Variants in DYNC1LI2 observed in about 807,000 individuals in gnomAD.
The protein encoded by DYNC1LI2 is dynein cytoplasmic 1 light intermediate chain 2.
DYNC1LI2 carries 19 observed loss-of-function variants against 57.8 expected under a neutral mutation model. The observed-to-expected ratio is 0.33, with a 90% CI of 0.23 to 0.48. DYNC1LI2 has a LOEUF of 0.48. Among genes scored for constraint, DYNC1LI2 ranks in the 20% least tolerant of loss-of-function variants. DYNC1LI2 has a pLI of 0.99. For missense variants in DYNC1LI2, 470 were observed against 604.2 expected (o/e 0.78, Z 2.33); for synonymous variants, 256 against 233.4 (o/e 1.10, Z -0.88).
intron 9 of DYNC1LI2, 44 bp downstream of exon 9, chr16:66,728,996 C>A (rs2017585607): frequency 6.2e-7 from 1 of 1,606,276 alleles, no homozygotes; most frequent in Non-Finnish European, 8.5e-7. Flanking sequence ...ACTGGCATTT[C>A]ATGCATGAGA....
At chr16:66,746,128 T>C (rs1209782574) in intron 3 of DYNC1LI2, among the ~76,000 whole-genome samples, 1 of 152,208 alleles carries the variant, frequency 6.6e-6, no homozygotes, top group Non-Finnish European at 1.5e-5. Context: ...GTTCTGTGAA[T>C]GTCCTCAAAA....
At position 66,721,864 on chromosome 16, in the gene DYNC1LI2, C is replaced by T. The variant is rs997808209; in HGVS notation, c.*1858G>A. Reference sequence around the variant, plus strand: ...CCAGGAATTCTTGTTTCTGAGGTCACTCATTTTACTCCCGGGGACTAAGCG... The same window carrying T: ...CCAGGAATTCTTGTTTCTGAGGTCATTCATTTTACTCCCGGGGACTAAGCG... On this transcript the variant is annotated 3_prime_UTR_variant, in exon 13 of 13. Coordinates refer to ENST00000258198, the MANE Select transcript of DYNC1LI2 (RefSeq NM_006141.3). 2 of 152,420 alleles carry T rather than the reference C, an allele frequency of 1.3e-5. No homozygotes were observed. The highest frequency in any genetic ancestry group is 1.3e-4 in the Admixed American group (2 of 15,278). 9.4% of individuals were successfully genotyped at this position (152,420 alleles called of 1,614,324 possible).
chr16:66,728,068 G>A (rs1212213200), intron 10 of DYNC1LI2, 133 bp downstream of exon 10: 1 of 1,251,812 alleles, frequency 8.0e-7, no homozygotes, highest in Non-Finnish European at 1.1e-6. Context: ...CTGGTCATGG[G>A]TCTTTAGGGA....
chr16:66,727,022 A>G (rs1237418217), intron 11 of DYNC1LI2, among the ~76,000 whole-genome samples: 2 of 151,924 alleles, frequency 1.3e-5, no homozygotes, highest in African/African-American at 4.8e-5. Flanking sequence ...GGCCCAAGCA[A>G]TCCTGCCGCT....
Position 66,749,321 on chromosome 16 carries a change from G to T in DYNC1LI2, c.182-8C>A, listed in dbSNP as rs752823566. 1.9e-6 allele frequency: 3 copies of T among 1,613,602 alleles called. No individual in the cohort carries two copies. Among genetic ancestry groups the T allele is most frequent in the Non-Finnish European group, 2.5e-6 (3 of 1,179,652 alleles). ...TACCAGAACCATCTTCACCTACAAA[G>T]GATGTTTGCAAGACAAAGGTGTACT... On this transcript the variant is annotated splice_polypyrimidine_tract_variant and splice_region_variant and intron_variant, in intron 2 of 12. Coordinates refer to ENST00000258198, the MANE Select transcript of DYNC1LI2 (RefSeq NM_006141.3).
At chr16:66,730,255 T>C in intron 7 of DYNC1LI2, 32 bp from the exon 8 acceptor site, 2 of 1,593,818 alleles carry the variant, frequency 1.3e-6, no homozygotes, top group Non-Finnish European at 1.7e-6. Flanking sequence ...CTGAATTGCT[T>C]TTCCTGGGGC....
chr16:66,728,944 T>C (rs12599882), intron 9 of DYNC1LI2, 96 bp downstream of exon 9: 582,527 of 1,282,440 alleles, frequency 0.45, 136,865 homozygotes, highest in African/African-American at 0.64. Context: ...GCAAGCTCTT[T>C]GTGACTTCCC....
At chr16:66,741,484 A>C (rs1030396495) in intron 4 of DYNC1LI2, among the ~76,000 whole-genome samples, 1 of 152,222 alleles carries the variant, frequency 6.6e-6, no homozygotes, top group Non-Finnish European at 1.5e-5. Flanking sequence ...CAGAAGCAAG[A>C]TGAAGTACTG....
chr16:66,728,297 G>A (rs2017572417), intron 9 of DYNC1LI2, 55 bp from the exon 10 acceptor site: 4 of 1,605,620 alleles, frequency 2.5e-6, no homozygotes, highest in Non-Finnish European at 3.4e-6. Context: ...GAGCACTGAA[G>A]GTCTAGAGAA....
At chr16:66,723,969 C>T in intron 12 of DYNC1LI2, 147 bp from the exon 13 acceptor site, 1 of 688,762 alleles carries the variant, frequency 1.5e-6, no homozygotes, top group Non-Finnish European at 2.3e-6. Flanking sequence ...TTTTCTACTG[C>T]AGTGGTGAGG....
At chr16:66,734,145 C>CT (rs2017687256) in intron 6 of DYNC1LI2, 73 bp downstream of exon 6, 2 of 1,429,524 alleles carry the variant, frequency 1.4e-6, no homozygotes, top group Admixed American at 3.7e-5. Flanking sequence ...TTGGGAGGTG[C>CT]TTTATCTCTT....
At chr16:66,737,309 CAAAA>C (rs1008479859) in intron 4 of DYNC1LI2, among the ~76,000 whole-genome samples, 4 of 151,638 alleles carry the variant, frequency 2.6e-5, no homozygotes, top group South Asian at 2.1e-4. Context: ...CAAAAACAAA[CAAAA>C]AACAACAAGC....
At chr16:66,739,935 C>A (rs2017806982) in intron 4 of DYNC1LI2, among the ~76,000 whole-genome samples, 2 of 152,180 alleles carry the variant, frequency 1.3e-5, no homozygotes, top group African/African-American at 2.4e-5. Flanking sequence ...TGGGGCTTCC[C>A]TTTGGAATCA....
chr16:66,723,611 T>A lies in DYNC1LI2; in HGVS notation c.*111A>T. 2.4e-6 allele frequency: 2 copies of A among 828,976 alleles called. No homozygotes were observed. Among genetic ancestry groups the A allele is most frequent in the Non-Finnish European group, 3.7e-6 (2 of 535,158 alleles). The allele number at this position is 828,976 out of a possible 1,614,324, so 51.4% of individuals were successfully genotyped here. ...TTTTTTTTTTTTTTTAAAGTTCATC[T>A]CCCCTGCCCCAAAAAACTGATAGCA... On this transcript the variant is annotated 3_prime_UTR_variant, in exon 13 of 13. Coordinates refer to ENST00000258198, the MANE Select transcript of DYNC1LI2 (RefSeq NM_006141.3).
intron 6 of DYNC1LI2, chr16:66,732,760 T>A (rs1436674394): frequency 2.4e-5 from 6 of 254,466 alleles, no homozygotes; most frequent in South Asian, 1.5e-4. Context: ...GTTTATTTTT[T>A]AACGTGTAAA....
At position 66,751,361 on chromosome 16, in the gene DYNC1LI2, G is replaced by GC; in HGVS notation, c.108-16dup. The GC allele has an allele frequency of 6.2e-7, 1 of 1,610,422 alleles. No individual in the cohort carries two copies. Among genetic ancestry groups the GC allele is most frequent in the South Asian group, 1.1e-5 (1 of 90,774 alleles). ...GAATGGAGGACCTGTGGCGACAATGGCAAGAGTGGTCAGCCCCGGGCCGGG... is the reference window on the plus strand; with the variant it reads ...GAATGGAGGACCTGTGGCGACAATGGCCAAGAGTGGTCAGCCCCGGGCCGGG... On this transcript the variant is annotated splice_polypyrimidine_tract_variant and intron_variant, in intron 1 of 12. Coordinates refer to ENST00000258198, the MANE Select transcript of DYNC1LI2 (RefSeq NM_006141.3). The surrounding 1 kb of genome is among the most constrained non-coding windows in gnomAD (Gnocchi z 5.2).
chr16:66,735,694 G>T (rs575391925), intron 5 of DYNC1LI2, among the ~76,000 whole-genome samples: 34 of 151,884 alleles, frequency 2.2e-4, no homozygotes, highest in Admixed American at 1.9e-3. Context: ...TTTTTGTAGA[G>T]ACGGGGTTTC....
Position 66,751,387 on chromosome 16 carries a change from C to T in DYNC1LI2, c.108-41G>A, listed in dbSNP as rs1567460243. ...CAAGAGTGGTCAGCCCCGGGCCGGG[C>T]TGGGATGGCCCGGCTCGCGTCGGCC... On this transcript the variant is annotated intron_variant, in intron 1 of 12. Coordinates refer to ENST00000258198, the MANE Select transcript of DYNC1LI2 (RefSeq NM_006141.3). This position sits in a 1 kb window ranked among gnomAD's most constrained non-coding sequence, Gnocchi z 5.2. 1 of 1,601,954 alleles carries T rather than the reference C, an allele frequency of 6.2e-7. No homozygotes were observed. Among genetic ancestry groups the T allele is most frequent in the Non-Finnish European group, 8.5e-7 (1 of 1,175,510 alleles).
chr16:66,742,341 A>G, intron 4 of DYNC1LI2, 97 bp downstream of exon 4: 1 of 1,263,160 alleles, frequency 7.9e-7, no homozygotes, highest in South Asian at 1.5e-5. Flanking sequence ...AAAACCACGA[A>G]GCAAGGGAAG....
Sources: allele counts gnomAD v4.1 joint callset (sites outside exome capture counted in the v4.1 genomes callset), GRCh38; gene constraint gnomAD v4.1.1; non-coding constraint Gnocchi (gnomAD v3.1); transcripts MANE v1.5; gene names NCBI Gene and HGNC (gene_info 2026-07-23, HGNC 2026-07-21).